The following ZNF804B variants were observed in gnomAD, a reference collection of about 807,000 sequenced individuals.
ZNF804B encodes zinc finger protein 804B.
ZNF804B carries 80 observed loss-of-function variants against 101.4 expected under a neutral mutation model. The observed-to-expected ratio is 0.79, with a 90% CI of 0.66 to 0.95. The LOEUF is 0.95. Among genes scored for constraint, ZNF804B ranks in the 40% least tolerant of loss-of-function variants. The probability of loss-of-function intolerance (pLI) is 0.00; values close to 1 mark genes in which losing one functional copy is unlikely to be tolerated. For missense variants in ZNF804B, 1,673 were observed against 1,561.9 expected (o/e 1.07, Z -1.20); for synonymous variants, 622 against 558.8 (o/e 1.11, Z -1.59).
intron 1 of ZNF804B, among the ~76,000 whole-genome samples, chr7:89,015,164 T>C (rs1039928871): frequency 6.6e-6 from 1 of 152,208 alleles, no homozygotes; most frequent in Non-Finnish European, 1.5e-5. Context: ...TGCAGCTATG[T>C]GAATTACTTC....
chr7:88,871,861 C>T (rs141251461), intron 1 of ZNF804B, among the ~76,000 whole-genome samples: 23 of 151,894 alleles, frequency 1.5e-4, no homozygotes, highest in Admixed American at 3.9e-4. Flanking sequence ...CCAGCTACTA[C>T]GGAGGCTGAG....
rs115358955 is a variant in ZNF804B at position 88,903,332 on chromosome 7, G to A, written c.108+143248G>A. Among the ~76,000 whole-genome samples, 1,125 of 151,994 alleles carry A rather than the reference G, an allele frequency of 7.4e-3. 19 individuals are homozygous for A. Among genetic ancestry groups the A allele is most frequent in the African/African-American group, 0.025 (1,056 of 41,484 alleles). ...TTCTTCCATAGTGTATCTGTACCAC[G>A]TTTTCTTTATCCAGTCCACCATTGA... is the stretch of plus-strand genomic sequence containing the variant. On this transcript the variant is annotated intron_variant, in intron 1 of 3. Coordinates refer to ENST00000333190, the MANE Select transcript of ZNF804B (RefSeq NM_181646.5).
intron 2 of ZNF804B, among the ~76,000 whole-genome samples, chr7:89,277,330 T>A (rs1348406610): frequency 6.7e-6 from 1 of 149,184 alleles, no homozygotes. Flanking sequence ...TTTTTTTTTC[T>A]TTTTTTTATT....
At chr7:88,860,546 C>G (rs988984687) in intron 1 of ZNF804B, among the ~76,000 whole-genome samples, 2 of 152,046 alleles carry the variant, frequency 1.3e-5, no homozygotes, top group African/African-American at 4.8e-5. Context: ...ATCAAAGCAA[C>G]TTACCCAAGG....
chr7:89,313,979 T>C (rs1398688657), intron 2 of ZNF804B, among the ~76,000 whole-genome samples: 1 of 152,188 alleles, frequency 6.6e-6, no homozygotes, highest in Non-Finnish European at 1.5e-5. Context: ...TGCTTGGACA[T>C]GTCTTTTACT....
intron 1 of ZNF804B, among the ~76,000 whole-genome samples, chr7:88,782,105 G>GTC (rs1480165784): frequency 1.3e-5 from 1 of 74,812 alleles, no homozygotes; most frequent in Non-Finnish European, 2.4e-5. Context: ...GTGAGTGCGT[G>GTC]TGTGTGTGTG....
Position 89,003,161 on chromosome 7 carries a change from A to G in ZNF804B, c.109-214994A>G, listed in dbSNP as rs1271965482. On this transcript the variant is annotated intron_variant, in intron 1 of 3. Transcript: ENST00000333190. ...GTTTCATATGTGGGAAGGTTTTCTG[A>G]GACTATAATAGTACATGCGTGATTT... Among the ~76,000 whole-genome samples, 8 of 151,714 alleles carry G rather than the reference A, an allele frequency of 5.3e-5. No individual in the cohort carries two copies. The Admixed American group carries it at 5.3e-4, about 10-fold the overall frequency.
intron 1 of ZNF804B, among the ~76,000 whole-genome samples, chr7:88,906,300 T>C (rs923859588): frequency 1.3e-5 from 2 of 152,136 alleles, no homozygotes; most frequent in Admixed American, 6.6e-5. Context: ...TATCCTGGGA[T>C]TGGTTTGTTC....
intron 1 of ZNF804B, among the ~76,000 whole-genome samples, chr7:88,996,986 A>G (rs1416671580): frequency 1.3e-5 from 2 of 151,956 alleles, no homozygotes; most frequent in Non-Finnish European, 2.9e-5. Flanking sequence ...GAGTATGTGT[A>G]TGTGTGTGTG....
At chr7:89,087,416 T>A (rs1789821366) in intron 1 of ZNF804B, among the ~76,000 whole-genome samples, 2 of 151,974 alleles carry the variant, frequency 1.3e-5, no homozygotes, top group African/African-American at 4.8e-5. Context: ...AGAAGTGACC[T>A]CAAATCATTT....
At chr7:88,955,324 T>C (rs1397378402) in intron 1 of ZNF804B, among the ~76,000 whole-genome samples, 5 of 151,544 alleles carry the variant, frequency 3.3e-5, no homozygotes, top group Non-Finnish European at 7.4e-5. Flanking sequence ...TTAAGAAAAG[T>C]ATTATTTTAT....
At chr7:88,889,326 G>C (rs1224186553) in intron 1 of ZNF804B, among the ~76,000 whole-genome samples, 2 of 151,932 alleles carry the variant, frequency 1.3e-5, no homozygotes, top group East Asian at 3.9e-4. Context: ...GAGATTGCTG[G>C]GTCCAAGGAA....
At chr7:89,247,931 C>T (rs868184547) in intron 2 of ZNF804B, among the ~76,000 whole-genome samples, 45 of 152,150 alleles carry the variant, frequency 3.0e-4, no homozygotes, top group African/African-American at 1.0e-3. Context: ...AATTGAAAAA[C>T]TCACTTAAAG....
At chr7:89,228,244 G>A (rs999777264) in intron 2 of ZNF804B, among the ~76,000 whole-genome samples, 23 of 96,016 alleles carry the variant, frequency 2.4e-4, no homozygotes, top group African/African-American at 9.2e-4. Context: ...CAAAGAGTGA[G>A]CAGCAGCAGG....
intron 1 of ZNF804B, among the ~76,000 whole-genome samples, chr7:89,159,161 T>C (rs1389543907): frequency 6.6e-6 from 1 of 152,188 alleles, no homozygotes. Context: ...AAAAAGTATC[T>C]TAATGAGTAG....
chr7:89,111,686 C>G (rs79847874), intron 1 of ZNF804B, among the ~76,000 whole-genome samples: 1 of 152,048 alleles, frequency 6.6e-6, no homozygotes, highest in Non-Finnish European at 1.5e-5. Flanking sequence ...TTTTAAGTTT[C>G]TTTCTCAGAG....
chr7:88,766,707 T>C (rs1416518236), intron 1 of ZNF804B, among the ~76,000 whole-genome samples: 1 of 152,206 alleles, frequency 6.6e-6, no homozygotes. Context: ...ATTTTGCTGT[T>C]TTAATGTACA....
At chr7:89,075,427 C>A (rs1405676279) in intron 1 of ZNF804B, among the ~76,000 whole-genome samples, 1 of 152,162 alleles carries the variant, frequency 6.6e-6, no homozygotes. Flanking sequence ...GCTGTGGCTT[C>A]AGAGGGTGCA....
At chr7:89,282,874 C>T (rs529580312) in intron 2 of ZNF804B, among the ~76,000 whole-genome samples, 4 of 152,030 alleles carry the variant, frequency 2.6e-5, no homozygotes, top group Non-Finnish European at 4.4e-5. Flanking sequence ...CTGAAGGAAG[C>T]GTGGCCCTGC....
Sources: gnomAD v4.1 joint callset for allele counts (sites outside exome capture counted in the v4.1 genomes callset) on GRCh38, gnomAD v4.1.1 for gene constraint, MANE v1.5 for transcripts, NCBI Gene and HGNC (gene_info 2026-07-23, HGNC 2026-07-21) for gene names.